The following GPHN variants were observed in gnomAD, a reference collection of about 807,000 sequenced individuals.
GPHN encodes gephyrin.
A neutral mutation model predicts 95.5 loss-of-function variants in GPHN; 17 were observed. The ratio of observed to expected loss-of-function variants is 0.18; its 90% CI spans 0.12 to 0.27. The LOEUF is 0.27. Among genes scored for constraint, GPHN ranks in the 10% least tolerant of loss-of-function variants. The pLI, the probability that GPHN is intolerant of heterozygous loss-of-function variation, is 1.00. For synonymous variants in GPHN, 320 were observed against 322.5 expected (o/e 0.99, Z 0.08); for missense variants, 660 against 978.1 (o/e 0.67, Z 4.34).
intron 1 of GPHN, among the ~76,000 whole-genome samples, chr14:66,642,148 A>C (rs2064450464): frequency 6.6e-6 from 1 of 152,176 alleles, no homozygotes; most frequent in African/African-American, 2.4e-5. Context: ...GTACCTGTGA[A>C]TATGTCACAT....
At chr14:66,777,925 G>A (rs964016154) in intron 3 of GPHN, among the ~76,000 whole-genome samples, 1 of 152,048 alleles carries the variant, frequency 6.6e-6, no homozygotes, top group Non-Finnish European at 1.5e-5. Flanking sequence ...AGACAGGGAT[G>A]CCCTCTCTCA....
chr14:66,559,844 G>GT (rs931258155), intron 1 of GPHN, among the ~76,000 whole-genome samples: 31 of 152,156 alleles, frequency 2.0e-4, no homozygotes, highest in Admixed American at 1.4e-3. Flanking sequence ...TAATGCCTAG[G>GT]TTTTTTTCTA....
the GPHN span, among the ~76,000 whole-genome samples, chr14:67,595,497 C>T: frequency 6.6e-6 from 1 of 152,214 alleles, no homozygotes; most frequent in Non-Finnish European, 1.5e-5. Context: ...AACAGCCACC[C>T]ACCAGCCCCA....
chr14:67,636,396 A>G, the GPHN span, among the ~76,000 whole-genome samples: 1 of 152,246 alleles, frequency 6.6e-6, no homozygotes, highest in Non-Finnish European at 1.5e-5. Context: ...CTTCCTCTGC[A>G]ATGTGTGGAT....
chr14:67,164,210 G>A (rs1358042870), intron 19 of GPHN, among the ~76,000 whole-genome samples: 5 of 141,432 alleles, frequency 3.5e-5, no homozygotes, highest in South Asian at 2.3e-4. Flanking sequence ...GGGGGTTGCC[G>A]TGAGCTGAGA....
intron 11 of GPHN, among the ~76,000 whole-genome samples, chr14:67,060,518 A>G (rs9323491): frequency 0.33 from 50,031 of 152,116 alleles, 13,166 homozygotes; most frequent in African/African-American, 0.71. Flanking sequence ...ACCATCATAC[A>G]TAGAAACTTA....
At chr14:67,726,053 G>A in the GPHN span, 1 of 1,611,840 alleles carries the variant, frequency 6.2e-7, no homozygotes, top group Non-Finnish European at 8.5e-7. Context: ...CCCTATAGAG[G>A]AAAAGCAGCT....
intron 3 of GPHN, among the ~76,000 whole-genome samples, chr14:66,804,358 T>C (rs2060467375): frequency 6.6e-6 from 1 of 152,190 alleles, no homozygotes; most frequent in African/African-American, 2.4e-5. Context: ...TGACAGGAAA[T>C]AGGCATTGTA....
intron 3 of GPHN, among the ~76,000 whole-genome samples, chr14:66,778,384 A>G (rs991853613): frequency 2.0e-5 from 3 of 152,044 alleles, no homozygotes; most frequent in African/African-American, 7.3e-5. Flanking sequence ...AATTGCAATT[A>G]AAAATTTACA....
At chr14:66,521,447 G>A (rs2139814761) in intron 1 of GPHN, among the ~76,000 whole-genome samples, 1 of 152,232 alleles carries the variant, frequency 6.6e-6, no homozygotes. Flanking sequence ...CACATAGAGA[G>A]AGTATCTTAG....
At chr14:66,867,735 A>G (rs1408072623) in intron 4 of GPHN, among the ~76,000 whole-genome samples, 2 of 152,222 alleles carry the variant, frequency 1.3e-5, no homozygotes, top group South Asian at 2.1e-4. Context: ...CACTAAATCT[A>G]TATTCTGTTC....
At chr14:67,271,581 T>C in the GPHN span, 1 of 152,040 alleles carries the variant, frequency 6.6e-6, no homozygotes, top group East Asian at 1.9e-4. Flanking sequence ...CTTAAAAGAG[T>C]AGGCAAAGAT....
chr14:67,469,370 G>C, the GPHN span, among the ~76,000 whole-genome samples: 341 of 151,702 alleles, frequency 2.2e-3, no homozygotes, highest in Non-Finnish European at 3.5e-3. Context: ...TCCAAATCCT[G>C]GGCTCACGTG....
At chr14:67,116,404 G>A (rs1268920561) in intron 16 of GPHN, among the ~76,000 whole-genome samples, 1 of 151,752 alleles carries the variant, frequency 6.6e-6, no homozygotes, top group African/African-American at 2.4e-5. Flanking sequence ...AAGGAGGGGA[G>A]GGCAGGGCAG....
At chr14:67,184,369 A>AG (rs1028303077), downstream of GPHN, among the ~76,000 whole-genome samples, 4 of 152,312 alleles carry the variant, frequency 2.6e-5, no homozygotes, top group African/African-American at 7.2e-5. Context: ...GGCAGCCTTG[A>AG]GGCAGATAAA....
chr14:67,330,155 AT>A, the GPHN span, among the ~76,000 whole-genome samples: 90 of 132,234 alleles, frequency 6.8e-4, no homozygotes, highest in African/African-American at 2.1e-3. Flanking sequence ...AATAATAATA[AT>A]TATTATTATT....
At chr14:67,694,499 TATATATAC>T in the GPHN span, among the ~76,000 whole-genome samples, 3 of 149,260 alleles carry the variant, frequency 2.0e-5, no homozygotes, top group African/African-American at 7.4e-5. Flanking sequence ...CATATATATA[TATATATAC>T]ACACATATAT....
the GPHN span, among the ~76,000 whole-genome samples, chr14:67,493,911 T>A: frequency 6.6e-6 from 1 of 152,106 alleles, no homozygotes; most frequent in Non-Finnish European, 1.5e-5. Flanking sequence ...AATTTTTTTT[T>A]AATTGAAGGA....
At chr14:66,903,779 T>G (rs1279883698) in intron 5 of GPHN, among the ~76,000 whole-genome samples, 1 of 152,214 alleles carries the variant, frequency 6.6e-6, no homozygotes, top group Non-Finnish European at 1.5e-5. Flanking sequence ...TCTTTTAATT[T>G]GTTGCTTTTT....
Sources: allele counts gnomAD v4.1 joint callset (sites outside exome capture counted in the v4.1 genomes callset), GRCh38; gene constraint gnomAD v4.1.1; transcripts MANE v1.5; gene names NCBI Gene and HGNC (gene_info 2026-07-23, HGNC 2026-07-21).